Variants in FMN1 observed in about 807,000 individuals in gnomAD.
The protein encoded by FMN1 is formin-1.
In FMN1, 110 loss-of-function variants were observed where a neutral mutation model predicts 132.4. The ratio of observed to expected loss-of-function variants is 0.83; its 90% CI spans 0.71 to 0.97. The LOEUF (loss-of-function observed/expected upper bound fraction) is 0.97, where lower values mean the gene tolerates loss of function less well. Among genes scored for constraint, FMN1 ranks in the 50% least tolerant of loss-of-function variants. The probability of loss-of-function intolerance (pLI) is 0.00; values close to 1 mark genes in which losing one functional copy is unlikely to be tolerated. For synonymous variants in FMN1, 722 were observed against 651.7 expected (o/e 1.11, Z -1.64); for missense variants, 1,792 against 1,705.3 (o/e 1.05, Z -0.90).
Position 32,872,938 on chromosome 15 carries a change from G to GAA in FMN1, c.3835+15232_3835+15233dup, listed in dbSNP as rs5811714. Among the ~76,000 whole-genome samples the GAA allele has an allele frequency of 1.7e-4, 25 of 148,860 alleles. No individual in the cohort carries two copies. In the East Asian group the frequency reaches 2.9e-3, roughly 17 times the overall value. On this transcript the variant is annotated intron_variant, in intron 16 of 20. Transcript: ENST00000616417. ...CAGAAAGGCATAAAGAGAAGAGAGG[G>GAA]AAAAAAAAAAGGATGGAAAGTTATT...
intron 6 of FMN1, among the ~76,000 whole-genome samples, chr15:33,022,093 T>C (rs345846): frequency 0.88 from 134,542 of 152,258 alleles, 60,075 homozygotes; most frequent in Middle Eastern, 0.93. Flanking sequence ...GTAGCATTTG[T>C]GTATAACCTA....
At chr15:32,781,256 T>C (rs545356026) in intron 19 of FMN1, among the ~76,000 whole-genome samples, 119 of 152,358 alleles carry the variant, frequency 7.8e-4, no homozygotes, top group African/African-American at 2.8e-3. Flanking sequence ...TCTTCCATGC[T>C]TCAAATAAAA....
intron 3 of FMN1, among the ~76,000 whole-genome samples, chr15:33,176,018 G>A (rs1965500765): frequency 6.6e-6 from 1 of 152,156 alleles, no homozygotes; most frequent in Non-Finnish European, 1.5e-5. Flanking sequence ...GCTGAAGAAA[G>A]TTTGAGAGAA....
At chr15:32,871,372 T>A (rs2059512537) in intron 16 of FMN1, among the ~76,000 whole-genome samples, 1 of 152,200 alleles carries the variant, frequency 6.6e-6, no homozygotes, top group South Asian at 2.1e-4. Context: ...GATAAAGAAT[T>A]TTTTTGTATT....
intron 9 of FMN1, among the ~76,000 whole-genome samples, chr15:32,943,321 A>G (rs946383306): frequency 3.9e-5 from 6 of 152,326 alleles, no homozygotes; most frequent in African/African-American, 1.4e-4. Context: ...TCTCCCAAGT[A>G]CAATTCTAAA....
intron 10 of FMN1, among the ~76,000 whole-genome samples, chr15:32,916,726 C>G (rs2060693936): frequency 6.6e-6 from 1 of 152,136 alleles, no homozygotes; most frequent in African/African-American, 2.4e-5. Context: ...TGGTCCAGCC[C>G]AGGAAAGCAA....
chr15:32,895,040 T>A (rs960438522), intron 15 of FMN1, among the ~76,000 whole-genome samples: 3 of 152,192 alleles, frequency 2.0e-5, no homozygotes, highest in Non-Finnish European at 4.4e-5. Context: ...GTCTCCATCA[T>A]TGTACACCTA....
intron 9 of FMN1, among the ~76,000 whole-genome samples, chr15:32,945,966 C>T (rs1487915387): frequency 6.6e-6 from 1 of 152,024 alleles, no homozygotes; most frequent in Non-Finnish European, 1.5e-5. Flanking sequence ...ACCCAAGTCA[C>T]TCCACTCTGT....
intron 9 of FMN1, among the ~76,000 whole-genome samples, chr15:32,948,776 C>CT (rs560809198): frequency 7.3e-5 from 11 of 151,528 alleles, no homozygotes; most frequent in South Asian, 6.3e-4. Context: ...GAATGTTATT[C>CT]TTTTTTTTCA....
chr15:33,019,058 T>G (rs953485975), intron 6 of FMN1, among the ~76,000 whole-genome samples: 1 of 152,246 alleles, frequency 6.6e-6, no homozygotes, highest in Admixed American at 6.5e-5. Flanking sequence ...TTACCACTGC[T>G]GGCTCCGGCA....
rs2061614115 is a variant in FMN1, at chr15:32,950,058, T to TAC, written c.3138+14048_3138+14049insGT. Reference sequence around the variant, plus strand: ...ACACATATATATATATATACACATATATATATATATATATATATATATTAA... The same window carrying TAC: ...ACACATATATATATATATACACATATACATATATATATATATATATATATTAA... On this transcript the variant is annotated intron_variant, in intron 9 of 20. Coordinates refer to ENST00000616417, the MANE Select transcript of FMN1 (RefSeq NM_001277313.2). Among the ~76,000 whole-genome samples, 7 of 78,002 alleles carry TAC rather than the reference T, an allele frequency of 9.0e-5. 1 individual carries two copies. Among genetic ancestry groups the TAC allele is most frequent in the Admixed American group, 1.5e-4 (1 of 6,520 alleles). 51.2% of individuals were successfully genotyped at this position (78,002 alleles called of 152,430 possible).
chr15:32,899,094 C>T (rs1161799703), intron 14 of FMN1, among the ~76,000 whole-genome samples: 3 of 152,122 alleles, frequency 2.0e-5, no homozygotes, highest in South Asian at 4.1e-4. Context: ...CTGTACTATC[C>T]TTTGTGGGGA....
At chr15:32,809,533 T>G (rs570044949) in intron 17 of FMN1, among the ~76,000 whole-genome samples, 22 of 152,314 alleles carry the variant, frequency 1.4e-4, no homozygotes, top group Non-Finnish European at 2.6e-4. Flanking sequence ...GACTCATGGC[T>G]GGTCTCTGGA....
At chr15:33,165,017 T>C (rs1281998026) in intron 3 of FMN1, among the ~76,000 whole-genome samples, 2 of 152,220 alleles carry the variant, frequency 1.3e-5, no homozygotes, top group African/African-American at 4.8e-5. Flanking sequence ...TACAATCAAA[T>C]ACTAGTTCTT....
chr15:33,019,058 T>C (rs953485975), intron 6 of FMN1, among the ~76,000 whole-genome samples: 3 of 152,246 alleles, frequency 2.0e-5, no homozygotes, highest in South Asian at 2.1e-4. Flanking sequence ...TTACCACTGC[T>C]GGCTCCGGCA....
chr15:33,086,326 T>A (rs940200547), intron 5 of FMN1, among the ~76,000 whole-genome samples: 14 of 133,556 alleles, frequency 1.0e-4, no homozygotes, highest in Non-Finnish European at 6.5e-5. Context: ...TTAAAAAAAA[T>A]CTCTCATTGA....
intron 5 of FMN1, among the ~76,000 whole-genome samples, chr15:33,085,514 A>AAT (rs567346940): frequency 3.7e-4 from 56 of 150,392 alleles, no homozygotes; most frequent in African/African-American, 1.2e-3. Flanking sequence ...TATATATACA[A>AAT]ATATATATAT....
rs1223753658 is a variant in FMN1, at chr15:32,798,804, C to T, written c.4130G>A (p.Arg1377Lys). 1 of 1,609,948 alleles carries T rather than the reference C, an allele frequency of 6.2e-7. No homozygotes were observed. The highest frequency in any genetic ancestry group is 1.7e-5 in the Admixed American group (1 of 59,456). The change falls in exon 19 of 21, where the codon AGA becomes AAA. Residue 1377 changes from arginine to lysine, a missense_variant and splice_region_variant. Physicochemically the swap from Arg to Lys is conservative, Grantham distance 26. This residue lies in a region of FMN1 where 1,150 missense variants were observed against 1,043.1 expected (regional missense o/e 1.10). Transcript: ENST00000616417. ...KRESKNISKE[R>K]LKMAQESVSK... ...ATTAAAATCTTTTTTTGAACCTTACCTTTCTTTAGATATGTTTTTACTCTC... is the reference window on the plus strand; with the variant it reads ...ATTAAAATCTTTTTTTGAACCTTACTTTTCTTTAGATATGTTTTTACTCTC...
chr15:32,914,485 A>G (rs948477723), intron 10 of FMN1, among the ~76,000 whole-genome samples: 2 of 152,232 alleles, frequency 1.3e-5, no homozygotes, highest in African/African-American at 2.4e-5. Context: ...CACTCCAAAC[A>G]TAGTTTGGGG....
Sources: allele counts gnomAD v4.1 joint callset (sites outside exome capture counted in the v4.1 genomes callset), GRCh38; gene constraint gnomAD v4.1.1; regional missense constraint gnomAD v4.1.1; transcripts MANE v1.5; gene names NCBI Gene and HGNC (gene_info 2026-07-23, HGNC 2026-07-21).